SH3D19: variants seen among roughly 807,000 people sequenced by gnomAD.
The protein encoded by SH3D19 is SH3 domain containing 19.
A neutral mutation model predicts 112.1 loss-of-function variants in SH3D19; 58 were observed. The observed-to-expected ratio is 0.52, with a 90% confidence interval of 0.42 to 0.64. The LOEUF (loss-of-function observed/expected upper bound fraction) is 0.64. Among genes scored for constraint, SH3D19 ranks in the 30% least tolerant of loss-of-function variants. SH3D19 has a pLI of 0.00. For missense variants in SH3D19, 1,090 were observed against 1,263.4 expected, an observed-to-expected ratio of 0.86 and a Z score of 2.08; for synonymous variants, 391 against 448.5, an observed-to-expected ratio of 0.87 and a Z score of 1.62.
rs575974854 is a variant in SH3D19 at position 151,256,383 on chromosome 4, AT to A, written c.113-30298del. On this transcript the variant is annotated intron_variant, in intron 1 of 19. Coordinates refer to ENST00000604030, the MANE Select transcript of SH3D19 (RefSeq NM_001378122.1). The stretch of plus-strand genomic sequence containing the variant: ...CCAAAGCACAGCTGGAAGCAGAAGT[AT>A]TTGAAAGAGGAAAGAGACATCTTCT... 5.3e-5 allele frequency among the ~76,000 whole-genome samples: 8 copies of A among 152,374 alleles called. No individual in the cohort carries two copies. In the South Asian group the frequency reaches 1.7e-3, roughly 32 times the overall value.
chr4:151,159,707 C>G (rs535989533), intron 8 of SH3D19, among the ~76,000 whole-genome samples: 3 of 152,280 alleles, frequency 2.0e-5, no homozygotes, highest in Admixed American at 2.0e-4. Context: ...CTAGTAGCTA[C>G]ATCTGATGAT....
chr4:151,224,784 C>A (rs536819658), intron 2 of SH3D19, among the ~76,000 whole-genome samples: 1 of 152,200 alleles, frequency 6.6e-6, no homozygotes, highest in East Asian at 1.9e-4. Flanking sequence ...TGGGCTCAAG[C>A]GATCCTCCTG....
chr4:151,196,592 T>C (rs1763507196), intron 2 of SH3D19, among the ~76,000 whole-genome samples: 1 of 151,978 alleles, frequency 6.6e-6, no homozygotes, highest in African/African-American at 2.4e-5. Context: ...AAACATATAC[T>C]GAATACTCCA....
intron 1 of SH3D19, chr4:151,291,177 A>G (rs1403416174): frequency 6.2e-7 from 1 of 1,613,932 alleles, no homozygotes. Context: ...AGACAGGAGT[A>G]GTAAGCTGGG....
At chr4:151,150,230 C>T (rs184574570) in intron 9 of SH3D19, among the ~76,000 whole-genome samples, 1,399 of 30,446 alleles carry the variant, frequency 0.046, 72 homozygotes, top group East Asian at 0.081. Context: ...TATATATATA[C>T]ACACACACAT....
At chr4:151,238,852 A>G (rs929216295) in intron 1 of SH3D19, among the ~76,000 whole-genome samples, 1 of 152,174 alleles carries the variant, frequency 6.6e-6, no homozygotes, top group Admixed American at 6.5e-5. Context: ...TATTCTCTGT[A>G]CAACACAACG....
chr4:151,318,480 G>T (rs1308866626), intron 1 of SH3D19, among the ~76,000 whole-genome samples: 1 of 152,046 alleles, frequency 6.6e-6, no homozygotes, highest in East Asian at 1.9e-4. Flanking sequence ...CCAAAGAAAA[G>T]CAACTACATT....
intron 1 of SH3D19, among the ~76,000 whole-genome samples, chr4:151,309,935 A>C (rs976560010): frequency 2.0e-5 from 3 of 152,232 alleles, no homozygotes; most frequent in African/African-American, 7.2e-5. Flanking sequence ...GGCTATAGTG[A>C]GCAGAGATGA....
At chr4:151,282,425 C>A (rs1439837823) in intron 1 of SH3D19, 1 of 1,613,086 alleles carries the variant, frequency 6.2e-7, no homozygotes, top group Non-Finnish European at 8.5e-7. Flanking sequence ...TGAGAATGGG[C>A]AGAGAGAAGG....
chr4:151,221,591 C>T (rs1339841681), intron 2 of SH3D19, among the ~76,000 whole-genome samples: 1 of 152,154 alleles, frequency 6.6e-6, no homozygotes, highest in African/African-American at 2.4e-5. Flanking sequence ...AGGTTCTTCC[C>T]GATTTGTAAG....
intron 1 of SH3D19, among the ~76,000 whole-genome samples, chr4:151,307,850 C>G (rs1729073080): frequency 6.6e-6 from 1 of 152,210 alleles, no homozygotes; most frequent in Non-Finnish European, 1.5e-5. Context: ...CATAAGAGTT[C>G]CAGTTAGAAT....
intron 1 of SH3D19, among the ~76,000 whole-genome samples, chr4:151,238,612 G>A (rs2149965051): frequency 6.6e-6 from 1 of 151,978 alleles, no homozygotes; most frequent in Middle Eastern, 3.4e-3. Flanking sequence ...CAAAGACCAG[G>A]CACCTCCCTC....
chr4:151,302,677 G>A (rs1397058834), intron 1 of SH3D19, among the ~76,000 whole-genome samples: 2 of 152,164 alleles, frequency 1.3e-5, no homozygotes, highest in Non-Finnish European at 2.9e-5. Context: ...CCTGGGCTCT[G>A]GGTCTAAATC....
intron 1 of SH3D19, chr4:151,277,115 T>C (rs1773704221): frequency 1.5e-6 from 2 of 1,315,522 alleles, no homozygotes; most frequent in Non-Finnish European, 9.9e-7. Context: ...CATTGGCCTC[T>C]TCCTGGGAGC....
At chr4:151,255,283 G>A (rs371752234) in intron 1 of SH3D19, among the ~76,000 whole-genome samples, 25 of 147,350 alleles carry the variant, frequency 1.7e-4, no homozygotes, top group East Asian at 6.2e-4. Flanking sequence ...GGCGGTTGCC[G>A]GGCAGAGGGT....
intron 1 of SH3D19, among the ~76,000 whole-genome samples, chr4:151,253,511 C>T (rs1413647124): frequency 3.3e-5 from 5 of 152,168 alleles, no homozygotes; most frequent in Admixed American, 2.0e-4. Flanking sequence ...GAGGCCTAGG[C>T]GGGCGGATCA....
intron 19 of SH3D19, among the ~76,000 whole-genome samples, chr4:151,126,306 T>C (rs370893690): frequency 6.6e-6 from 1 of 152,214 alleles, no homozygotes; most frequent in Non-Finnish European, 1.5e-5. Context: ...CAATCATTCC[T>C]TGATATGTTA....
chr4:151,264,197 G>A (rs2149991136), intron 1 of SH3D19, among the ~76,000 whole-genome samples: 1 of 152,194 alleles, frequency 6.6e-6, no homozygotes, highest in East Asian at 1.9e-4. Flanking sequence ...TTGGGAGGCT[G>A]AGGTGGGCAG....
chr4:151,237,169 GA>G (rs1272384392), intron 1 of SH3D19, among the ~76,000 whole-genome samples: 2 of 152,070 alleles, frequency 1.3e-5, no homozygotes, highest in East Asian at 3.9e-4. Flanking sequence ...CGGAAGGAAT[GA>G]ACAACTCTGG....
Sources: allele counts gnomAD v4.1 joint callset (sites outside exome capture counted in the v4.1 genomes callset), GRCh38; gene constraint gnomAD v4.1.1; transcripts MANE v1.5; gene names NCBI Gene and HGNC (gene_info 2026-07-23, HGNC 2026-07-21).